Variants in CDH6 observed in about 807,000 individuals in gnomAD.
The protein encoded by CDH6 is cadherin 6.
A neutral mutation model predicts 78.0 loss-of-function variants in CDH6; 31 were observed. The ratio of observed to expected loss-of-function variants is 0.40; its 90% CI spans 0.30 to 0.54. The LOEUF (loss-of-function observed/expected upper bound fraction) is 0.54. Ranked by LOEUF, CDH6 falls within the 20% of genes least tolerant of loss-of-function variation. CDH6 has a pLI of 0.56. For missense variants in CDH6, 724 were observed against 975.9 expected (o/e 0.74, Z 3.44); for synonymous variants, 376 against 368.8 (o/e 1.02, Z -0.23).
At chr5:31,225,167 A>T (rs559051411) in intron 1 of CDH6, among the ~76,000 whole-genome samples, 1 of 152,210 alleles carries the variant, frequency 6.6e-6, no homozygotes, top group Non-Finnish European at 1.5e-5. Context: ...GAGTTGTCCA[A>T]TGAATGATTT....
chr5:31,216,660 T>C (rs1740870816), intron 1 of CDH6, among the ~76,000 whole-genome samples: 1 of 132,480 alleles, frequency 7.5e-6, no homozygotes, highest in Non-Finnish European at 1.6e-5. Context: ...TGACTCCTGC[T>C]GTAATATAGC....
In CDH6 at chr5:31,209,637, G is replaced by A. The variant is rs563732173; in HGVS notation, c.-129+15751G>A. Among the ~76,000 whole-genome samples, 32 of 152,260 alleles carry A rather than the reference G, an allele frequency of 2.1e-4. No individual in the cohort carries two copies. In the South Asian group the frequency reaches 6.2e-3, roughly 30 times the overall value. ...TAAGTGTTTTCAGCTGGTATATTGG[G>A]ACACTTTGGACTATGAGTAAGAGAA... On this transcript the variant is annotated intron_variant, in intron 1 of 11. Transcript: ENST00000265071.
intron 1 of CDH6, among the ~76,000 whole-genome samples, chr5:31,235,236 CTTTTTTT>C (rs543675071): frequency 1.8e-5 from 2 of 110,646 alleles, no homozygotes; most frequent in African/African-American, 6.9e-5. Context: ...ATTCCTTTTT[CTTTTTTT>C]TTTTTTTTTT....
chr5:31,326,681 A>ATTTTTTT lies in CDH6; in HGVS notation c.*3395_*3401dup, dbSNP rs202082546. 6 of 123,722 alleles carry ATTTTTTT rather than the reference A, an allele frequency of 4.8e-5. No individual in the cohort carries two copies. The highest frequency in any genetic ancestry group is 8.1e-5 in the Non-Finnish European group (5 of 61,782). 7.7% of individuals were successfully genotyped at this position (123,722 alleles called of 1,614,324 possible). On this transcript the variant is annotated 3_prime_UTR_variant, in exon 12 of 12. Coordinates refer to ENST00000265071, the MANE Select transcript of CDH6 (RefSeq NM_004932.4). ...AAAGAGTTGTGCAGAAAATCTTAAAATTTTTTTTTTTTTTTTTTTTTTTTT... is the reference window on the plus strand; with the variant it reads ...AAAGAGTTGTGCAGAAAATCTTAAAATTTTTTTTTTTTTTTTTTTTTTTTTTTTTTTT...
rs1244060460 is a variant in CDH6, at chr5:31,327,522, A to G, written c.*4214A>G. The G allele has an allele frequency of 5.2e-6, 1 of 192,378 alleles. No homozygotes were observed. The highest frequency in any genetic ancestry group is 1.1e-5 in the Non-Finnish European group (1 of 92,022). The allele number at this position is 192,378 out of a possible 1,614,324, so 11.9% of individuals were successfully genotyped here. On this transcript the variant is annotated 3_prime_UTR_variant, in exon 12 of 12. Coordinates refer to ENST00000265071, the MANE Select transcript of CDH6 (RefSeq NM_004932.4). ...TGATATTATAAAAGGGGACTCAAAA[A>G]TCCAAGCAGTCTACTGTGTTTAAAT... is the stretch of plus-strand genomic sequence containing the variant.
At chr5:31,262,292 G>A (rs955694058) in intron 1 of CDH6, among the ~76,000 whole-genome samples, 2 of 152,210 alleles carry the variant, frequency 1.3e-5, no homozygotes, top group Non-Finnish European at 2.9e-5. Context: ...CCAAAGCTAT[G>A]TGGGCCTTGC....
chr5:31,289,255 G>A (rs1216794730), intron 2 of CDH6, among the ~76,000 whole-genome samples: 4 of 152,162 alleles, frequency 2.6e-5, no homozygotes, highest in Non-Finnish European at 4.4e-5. Flanking sequence ...GTTCATTTAG[G>A]ATAATGGCCT....
chr5:31,319,028 G>C (rs76195548), intron 11 of CDH6: 1 of 198,044 alleles, frequency 5.0e-6, no homozygotes, highest in Non-Finnish European at 1.0e-5. Context: ...AAAACTGACA[G>C]TGTGCAAAGA....
intron 6 of CDH6, among the ~76,000 whole-genome samples, chr5:31,302,620 A>G (rs1339730690): frequency 6.6e-6 from 1 of 150,524 alleles, no homozygotes; most frequent in African/African-American, 2.4e-5. Context: ...GACTGAGGCA[A>G]GAGGATCGCT....
At chr5:31,201,552 T>C (rs1046078698) in intron 1 of CDH6, among the ~76,000 whole-genome samples, 2 of 152,200 alleles carry the variant, frequency 1.3e-5, no homozygotes, top group Admixed American at 6.5e-5. Context: ...AAAATGTCAA[T>C]TCTTTCATGG....
Position 31,323,437 on chromosome 5 carries a change from G to A in CDH6, c.*129G>A. On this transcript the variant is annotated 3_prime_UTR_variant, in exon 12 of 12. Transcript: ENST00000265071. ...CCAAAAGCCAATGGCTGCAGTCCGTGTGGATCCAATGTTAGAGACTTTTTT... is the reference window on the plus strand; with the variant it reads ...CCAAAAGCCAATGGCTGCAGTCCGTATGGATCCAATGTTAGAGACTTTTTT... 1.8e-6 allele frequency: 2 copies of A among 1,091,592 alleles called. No individual in the cohort carries two copies. Among genetic ancestry groups the A allele is most frequent in the South Asian group, 1.6e-5 (1 of 61,330 alleles). 67.6% of individuals were successfully genotyped at this position (1,091,592 alleles called of 1,614,324 possible).
chr5:31,318,405 C>T (rs1738389307), intron 11 of CDH6: 1 of 270,704 alleles, frequency 3.7e-6, no homozygotes, highest in Non-Finnish European at 7.1e-6. Flanking sequence ...TTTTTTTAAC[C>T]CAGCAAACTA....
chr5:31,209,588 T>C (rs1740634957), intron 1 of CDH6, among the ~76,000 whole-genome samples: 1 of 152,216 alleles, frequency 6.6e-6, no homozygotes, highest in Admixed American at 6.5e-5. Flanking sequence ...CCTAAAGATC[T>C]GATTGCTTCT....
At chr5:31,273,856 T>C (rs1742604116) in intron 2 of CDH6, among the ~76,000 whole-genome samples, 1 of 152,226 alleles carries the variant, frequency 6.6e-6, no homozygotes, top group Non-Finnish European at 1.5e-5. Context: ...AATAGTTACA[T>C]GTGAGCATTT....
chr5:31,302,802 AAG>A (rs1737825622), intron 6 of CDH6, among the ~76,000 whole-genome samples: 1 of 68,902 alleles, frequency 1.5e-5, no homozygotes, highest in Non-Finnish European at 3.0e-5. Flanking sequence ...GAGAGAGAGA[AAG>A]AAAGAAAGAA....
At position 31,326,993 on chromosome 5, in the gene CDH6, C is replaced by T. The variant is rs1185260938; in HGVS notation, c.*3685C>T. The T allele has an allele frequency of 5.8e-6, 1 of 173,060 alleles. No homozygotes were observed. Among genetic ancestry groups the T allele is most frequent in the East Asian group, 1.0e-4 (1 of 9,694 alleles). 10.7% of individuals were successfully genotyped at this position (173,060 alleles called of 1,614,324 possible). On this transcript the variant is annotated 3_prime_UTR_variant, in exon 12 of 12. Coordinates refer to ENST00000265071, the MANE Select transcript of CDH6 (RefSeq NM_004932.4). ...ACAGGCGTGAGCCACCGCGCCCGGC[C>T]TTAAAAATTGAATCTGTAGCTTAGG...
intron 8 of CDH6, 38 bp from the exon 9 acceptor site, chr5:31,316,170 A>G (rs999374243): frequency 3.5e-5 from 56 of 1,584,758 alleles, no homozygotes; most frequent in Non-Finnish European, 3.8e-5. Flanking sequence ...GGCAATCAAC[A>G]TGTAAATGCC....
intron 1 of CDH6, among the ~76,000 whole-genome samples, chr5:31,242,957 T>C (rs1741646569): frequency 6.6e-6 from 1 of 152,108 alleles, no homozygotes. Context: ...CAAGTTTCTA[T>C]CACTCTAAGT....
Position 31,313,320 on chromosome 5 carries a change from A to G in CDH6, c.1256A>G (p.Tyr419Cys), listed in dbSNP as rs1405495920. ...TTAATTCCACTCTGCATTTTCAGGT[A>G]CTCTGTAGATCGACACACAGATATG... ...DPDAARNPVKYSVDRHTDMDR... is the reference protein window; with the variant it reads ...DPDAARNPVKCSVDRHTDMDR... The change falls in exon 8 of 12, where the codon TAC (tyrosine) becomes TGC (cysteine). Residue 419 changes from tyrosine (Y) to cysteine (C), a missense_variant and splice_region_variant. Physicochemically the swap from Tyr to Cys is radical, Grantham distance 194. Transcript: ENST00000265071. 2 of 1,611,344 alleles carry G rather than the reference A, an allele frequency of 1.2e-6. No homozygotes were observed. Among genetic ancestry groups the G allele is most frequent in the Non-Finnish European group, 1.7e-6 (2 of 1,177,796 alleles).
Sources: allele counts gnomAD v4.1 joint callset (sites outside exome capture counted in the v4.1 genomes callset), GRCh38; gene constraint gnomAD v4.1.1; transcripts MANE v1.5; gene names NCBI Gene and HGNC (gene_info 2026-07-23, HGNC 2026-07-21).